Variants in STARD9 observed in about 807,000 individuals in gnomAD.
STARD9 encodes StAR related lipid transfer domain containing 9.
In STARD9, 346 loss-of-function variants were observed where a neutral mutation model predicts 399.8. The observed-to-expected ratio is 0.87, with a 90% CI of 0.79 to 0.95. STARD9 has a LOEUF of 0.95. Among genes scored for constraint, STARD9 ranks in the 40% least tolerant of loss-of-function variants. The pLI is 0.00. For synonymous variants in STARD9, 2,203 were observed against 2,143.5 expected (o/e 1.03, Z -0.77); for missense variants, 5,832 against 5,667.5 (o/e 1.03, Z -0.93).
At chr15:42,650,967 T>C (rs2059750658) in intron 7 of STARD9, 49 bp from the exon 8 acceptor site, 10 of 1,335,376 alleles carry the variant, frequency 7.5e-6, no homozygotes, top group Non-Finnish European at 1.0e-5. Flanking sequence ...GGTTAAAGTT[T>C]ACCAAAAATC....
chr15:42,687,927 C>G lies in STARD9; in HGVS notation c.6349C>G (p.Pro2117Ala), dbSNP rs1159585290. The G allele has an allele frequency of 1.3e-6, 2 of 1,537,140 alleles. No individual in the cohort carries two copies. The highest frequency in any genetic ancestry group is 1.4e-5 in the African/African-American group (1 of 73,034). The change falls in exon 23 of 33, where the codon CCA becomes GCA. Residue 2117 changes from proline to alanine, a missense_variant. Coordinates refer to ENST00000290607, the MANE Select transcript of STARD9 (RefSeq NM_020759.3). ...PLPSKDQPSSPRQTDDTVFRD... is the reference protein window; with the variant it reads ...PLPSKDQPSSARQTDDTVFRD... ...GCCCTCTAAGGATCAGCCATCTTCT[C>G]CAAGACAGACAGATGATACTGTCTT...
At chr15:42,639,077 G>T (rs1034127491) in intron 7 of STARD9, among the ~76,000 whole-genome samples, 1 of 152,240 alleles carries the variant, frequency 6.6e-6, no homozygotes, top group Admixed American at 6.5e-5. Flanking sequence ...GGCAAAGAAC[G>T]TTGGAAAGTG....
At chr15:42,644,825 T>C (rs776361495) in intron 7 of STARD9, among the ~76,000 whole-genome samples, 3 of 152,242 alleles carry the variant, frequency 2.0e-5, no homozygotes, top group African/African-American at 4.8e-5. Flanking sequence ...GACACTCTTT[T>C]ATCAACTAAG....
chr15:42,621,655 A>G (rs1344052402), intron 3 of STARD9, among the ~76,000 whole-genome samples: 1 of 152,220 alleles, frequency 6.6e-6, no homozygotes, highest in African/African-American at 2.4e-5. Flanking sequence ...TGATTGGTTG[A>G]AACTTGGCTA....
intron 3 of STARD9, among the ~76,000 whole-genome samples, chr15:42,600,482 A>G (rs140109697): frequency 6.6e-6 from 1 of 151,444 alleles, no homozygotes; most frequent in East Asian, 1.9e-4. Flanking sequence ...GTGCTTGTGC[A>G]TGTGTGTGTG....
intron 9 of STARD9, among the ~76,000 whole-genome samples, chr15:42,659,496 A>G (rs1461349727): frequency 6.6e-6 from 1 of 152,062 alleles, no homozygotes; most frequent in African/African-American, 2.4e-5. Flanking sequence ...GCAACTTTGG[A>G]AAAGAGTTTA....
intron 3 of STARD9, among the ~76,000 whole-genome samples, chr15:42,620,286 A>ATT (rs869052417): frequency 1.4e-5 from 2 of 146,706 alleles, no homozygotes; most frequent in African/African-American, 5.0e-5. Flanking sequence ...TTATAAGTAG[A>ATT]TTTTTTTTTT....
chr15:42,676,209 T>G (rs1184214613), intron 20 of STARD9, among the ~76,000 whole-genome samples: 3 of 152,178 alleles, frequency 2.0e-5, no homozygotes, highest in Non-Finnish European at 4.4e-5. Flanking sequence ...GTATTTCGAC[T>G]TTTTTCATCA....
intron 3 of STARD9, among the ~76,000 whole-genome samples, chr15:42,588,815 T>TTTTGG (rs2058337116): frequency 1.1e-5 from 1 of 94,444 alleles, no homozygotes; most frequent in South Asian, 3.7e-4. Context: ...TTTTTTTTTT[T>TTTTGG]GGAGTGGGGG....
chr15:42,689,307 T>C lies in STARD9; in HGVS notation c.7729T>C (p.Tyr2577His). The C allele has an allele frequency of 6.5e-7, 1 of 1,537,262 alleles. No individual in the cohort carries two copies. Among genetic ancestry groups the C allele is most frequent in the East Asian group, 2.4e-5 (1 of 40,922 alleles). The change falls in exon 23 of 33, where the codon TAC becomes CAC. Residue 2577 changes from tyrosine to histidine, a missense_variant. By Grantham distance (83) the Tyr-to-His change is moderately conservative. Coordinates refer to ENST00000290607, the MANE Select transcript of STARD9 (RefSeq NM_020759.3). ...DFVARGTVLS[Y>H]CETLLEPECS... ...TGTGGCCAGGGGCACAGTCCTTTCT[T>C]ACTGTGAAACTTTACTAGAACCCGA...
At chr15:42,712,111 A>ATATTATATATT (rs55808206) in intron 26 of STARD9, among the ~76,000 whole-genome samples, 55 of 3,178 alleles carry the variant, frequency 0.017, 17 homozygotes, top group African/African-American at 0.088. Context: ...TATAATATAT[A>ATATTATATATT]ATATATAATA....
chr15:42,692,788 AGACT>A lies in STARD9; in HGVS notation c.11214_11217del (p.Asp3739SerfsTer20), dbSNP rs2060743355. ...CAGACCACTGTGGATGAGGGCAGCC[AGACT>A]GACCTCACCTTACCCACCCTGTGCC... On this transcript the variant is annotated frameshift_variant, in exon 23 of 33. Coordinates refer to ENST00000290607, the MANE Select transcript of STARD9 (RefSeq NM_020759.3). LOFTEE classifies it high-confidence loss of function. The A allele has an allele frequency of 1.3e-6, 2 of 1,537,178 alleles. No individual in the cohort carries two copies. The highest frequency in any genetic ancestry group is 1.7e-6 in the Non-Finnish European group (2 of 1,146,898).
At chr15:42,697,652 C>T (rs760134488) in intron 26 of STARD9, among the ~76,000 whole-genome samples, 3 of 152,076 alleles carry the variant, frequency 2.0e-5, no homozygotes, top group Non-Finnish European at 4.4e-5. Flanking sequence ...GAAACACAGT[C>T]AAAACTTGGT....
At chr15:42,643,992 G>A (rs1027928446) in intron 7 of STARD9, among the ~76,000 whole-genome samples, 1 of 152,072 alleles carries the variant, frequency 6.6e-6, no homozygotes, top group African/African-American at 2.4e-5. Flanking sequence ...ATTGAGTTCA[G>A]AGAACATGCT....
In STARD9 at chr15:42,668,602, T is replaced by G. The variant is rs549461075; in HGVS notation, c.1318-556T>G. Among the ~76,000 whole-genome samples the G allele has an allele frequency of 1.4e-4, 21 of 152,290 alleles. No individual in the cohort carries two copies. In the South Asian group the frequency reaches 3.5e-3, roughly 26 times the overall value. On this transcript the variant is annotated intron_variant, in intron 15 of 32. Transcript: ENST00000290607. ...CAGTATTCTACTGTTATTATTGTTT[T>G]TATTGTCTTATTACATGATCTTCCA... is the stretch of plus-strand genomic sequence containing the variant.
intron 26 of STARD9, among the ~76,000 whole-genome samples, chr15:42,706,456 T>A (rs998683600): frequency 2.6e-5 from 4 of 151,600 alleles, no homozygotes; most frequent in Non-Finnish European, 4.4e-5. Context: ...TATCTTAATT[T>A]TTTTTTTTTT....
chr15:42,675,787 T>G, intron 19 of STARD9, 41 bp downstream of exon 19: 2 of 1,533,758 alleles, frequency 1.3e-6, no homozygotes, highest in South Asian at 2.4e-5. Context: ...CTGGCCTCCC[T>G]GTTTCCACCT....
rs571769868 is a variant in STARD9 at position 42,689,851 on chromosome 15, A to G, written c.8273A>G (p.His2758Arg). ...TATGATGATCCTAGAGTGACTCTGCATGAGCTAAGTCAGTCAGTTCCGCAG... is the reference window on the plus strand; with the variant it reads ...TATGATGATCCTAGAGTGACTCTGCGTGAGCTAAGTCAGTCAGTTCCGCAG... ...APYDDPRVTLHELSQSVPQET... is the reference protein window; with the variant it reads ...APYDDPRVTLRELSQSVPQET... Residue 2758 changes from histidine to arginine, a missense_variant, in exon 23 of 33, where the codon CAT (histidine) becomes CGT (arginine). Coordinates refer to ENST00000290607, the MANE Select transcript of STARD9 (RefSeq NM_020759.3). The G allele has an allele frequency of 2.3e-5, 36 of 1,537,346 alleles. No homozygotes were observed. Among genetic ancestry groups the G allele is most frequent in the Non-Finnish European group, 2.9e-5 (33 of 1,146,916 alleles).
At position 42,684,745 on chromosome 15, in the gene STARD9, C is replaced by A; in HGVS notation, c.3167C>A (p.Thr1056Asn). 1 of 1,537,208 alleles carries A rather than the reference C, an allele frequency of 6.5e-7. No homozygotes were observed. The highest frequency in any genetic ancestry group is 8.7e-7 in the Non-Finnish European group (1 of 1,146,916). ...CTGGCAACTAGGGTCAGAAATATTA[C>A]CAAAAAGTCCTCTCACTTGCCTCTT... ...RVLATRVRNITKKSSHLPLGS... is the reference protein window; with the variant it reads ...RVLATRVRNINKKSSHLPLGS... The change falls in exon 23 of 33, where the codon ACC (threonine) becomes AAC (asparagine). Residue 1056 changes from threonine to asparagine, a missense_variant. By Grantham distance (65) the Thr-to-Asn change is moderately conservative (BLOSUM62 0). Coordinates refer to ENST00000290607, the MANE Select transcript of STARD9 (RefSeq NM_020759.3).
Sources: gnomAD v4.1 joint callset for allele counts (sites outside exome capture counted in the v4.1 genomes callset) on GRCh38, gnomAD v4.1.1 for gene constraint, MANE v1.5 for transcripts, NCBI Gene and HGNC (gene_info 2026-07-23, HGNC 2026-07-21) for gene names.